THOP1: variants seen among roughly 807,000 people sequenced by gnomAD.
The protein encoded by THOP1 is thimet oligopeptidase.
Under a neutral mutation model 71.8 loss-of-function variants are expected in THOP1, and 49 were observed. The observed-to-expected ratio is 0.68, with a 90% CI of 0.54 to 0.87. The LOEUF (loss-of-function observed/expected upper bound fraction) is 0.87, where lower values mean the gene tolerates loss of function less well. THOP1 is among the 40% of genes least tolerant of loss of function. The pLI is 0.00. For synonymous variants in THOP1, 426 were observed against 421.5 expected, an observed-to-expected ratio of 1.01 and a Z score of -0.13; for missense variants, 843 against 975.6, an observed-to-expected ratio of 0.86 and a Z score of 1.81.
At chr19:2,806,867 G>A in intron 6 of THOP1, 50 bp from the exon 7 acceptor site, 10 of 1,611,146 alleles carry the variant, frequency 6.2e-6, no homozygotes, top group Non-Finnish European at 8.5e-6. Flanking sequence ...TGGCCCTGGA[G>A]GTGGAGGGAG....
intron 5 of THOP1, among the ~76,000 whole-genome samples, chr19:2,803,405 G>A (rs1916205078): frequency 6.6e-6 from 1 of 152,216 alleles, no homozygotes; most frequent in Non-Finnish European, 1.5e-5. Flanking sequence ...GGAGTTCAGG[G>A]CCACAGTGAA....
Position 2,799,593 on chromosome 19 carries a change from C to T in THOP1, c.487-96C>T. ...CTTTCGGCCTGGTTCTTGGGGAAAT[C>T]CCTCAGCCCTCGGCGAGAGGGTTCC... On this transcript the variant is annotated intron_variant, in intron 4 of 12. Coordinates refer to ENST00000307741, the MANE Select transcript of THOP1 (RefSeq NM_003249.5). The T allele has an allele frequency of 4.1e-6, 4 of 968,960 alleles. No homozygotes were observed. The South Asian group carries it at 5.8e-5, about 14-fold the overall frequency. The allele number at this position is 968,960 out of a possible 1,614,324, so 60.0% of individuals were successfully genotyped here.
intron 5 of THOP1, among the ~76,000 whole-genome samples, chr19:2,800,326 C>T (rs963225601): frequency 6.6e-6 from 1 of 152,224 alleles, no homozygotes; most frequent in African/African-American, 2.4e-5. Flanking sequence ...GCTGGGACTA[C>T]AGACGTATGC....
chr19:2,786,774 T>TTTTTTTTTTTTTTC lies in THOP1; in HGVS notation c.16+1102_16+1103insTTTTTTTCTTTTTT, dbSNP rs1436108624. On this transcript the variant is annotated intron_variant, in intron 1 of 12. Coordinates refer to ENST00000307741, the MANE Select transcript of THOP1 (RefSeq NM_003249.5). ...CCACCACACCTGGCTAATTTTTTTT[T>TTTTTTTTTTTTTTC]TTTTTTGGAGATAGAGTCTTGGTCC... 9.1e-5 allele frequency among the ~76,000 whole-genome samples: 13 copies of TTTTTTTTTTTTTTC among 143,350 alleles called. 1 individual carries two copies. The highest frequency in any genetic ancestry group is 2.0e-4 in the Non-Finnish European group (13 of 66,490). 94.0% of individuals were successfully genotyped at this position (143,350 alleles called of 152,430 possible). A position where few individuals can be genotyped will look rare whatever the true frequency, so the allele number is the denominator to read the frequency against.
At chr19:2,802,777 C>T (rs1344333317) in intron 5 of THOP1, among the ~76,000 whole-genome samples, 5 of 152,198 alleles carry the variant, frequency 3.3e-5, no homozygotes, top group Non-Finnish European at 7.3e-5. Flanking sequence ...GTCATCCTGC[C>T]GTGACTCCGA....
In THOP1 at chr19:2,805,602, C is replaced by T. The variant is rs544813340; in HGVS notation, c.750+426C>T. 2.0e-5 allele frequency among the ~76,000 whole-genome samples: 3 copies of T among 152,154 alleles called. No individual in the cohort carries two copies. The highest frequency in any genetic ancestry group is 2.9e-5 in the Non-Finnish European group (2 of 68,026). Reference sequence around the variant, plus strand: ...CTATCTCGCTGTGACTGGCGTCAGACGGCCGTTCCCACAGGGACACATGTA... The same window carrying T: ...CTATCTCGCTGTGACTGGCGTCAGATGGCCGTTCCCACAGGGACACATGTA... On this transcript the variant is annotated intron_variant, in intron 6 of 12. Transcript: ENST00000307741. This position sits in a 1 kb window ranked among gnomAD's most constrained non-coding sequence, Gnocchi z 6.6.
At position 2,786,765 on chromosome 19, in the gene THOP1, A is replaced by ATTTTTTTTTTTT. The variant is rs550767741; in HGVS notation, c.16+1091_16+1102dup. ...AGGCGCCCACCACCACACCTGGCTA[A>ATTTTTTTTTTTT]TTTTTTTTTTTTTTTGGAGATAGAG... On this transcript the variant is annotated intron_variant, in intron 1 of 12. Transcript: ENST00000307741. 9.5e-4 allele frequency among the ~76,000 whole-genome samples: 96 copies of ATTTTTTTTTTTT among 101,172 alleles called. 9 individuals carry two copies. Among genetic ancestry groups the ATTTTTTTTTTTT allele is most frequent in the African/African-American group, 4.2e-3 (80 of 19,146 alleles). 66.4% of individuals were successfully genotyped at this position (101,172 alleles called of 152,430 possible).
At position 2,805,317 on chromosome 19, in the gene THOP1, AG is replaced by A; in HGVS notation, c.750+143del. 2 of 1,059,708 alleles carry A rather than the reference AG, an allele frequency of 1.9e-6. No homozygotes were observed. The highest frequency in any genetic ancestry group is 1.7e-5 in the South Asian group (1 of 59,618). 65.6% of individuals were successfully genotyped at this position (1,059,708 alleles called of 1,614,324 possible). A position where few individuals can be genotyped will look rare whatever the true frequency, so the allele number is the denominator to read the frequency against. On this transcript the variant is annotated intron_variant, in intron 6 of 12. Transcript: ENST00000307741. This position sits in a 1 kb window ranked among gnomAD's most constrained non-coding sequence, Gnocchi z 6.6. ...CCTGGCCAGGCCCAGTGGCCAGCAG[AG>A]GCCTCCCTGTGGGGCTCTGCCGTGC...
intron 6 of THOP1, 123 bp from the exon 7 acceptor site, chr19:2,806,794 G>C (rs1916302276): frequency 1.3e-6 from 2 of 1,531,636 alleles, no homozygotes; most frequent in South Asian, 1.2e-5. Flanking sequence ...CAGGCCGAGA[G>C]GGGCAGGGAC....
chr19:2,808,296 G>A lies in THOP1; in HGVS notation c.1307G>A (p.Arg436Gln), dbSNP rs763457375. 2.0e-5 allele frequency: 31 copies of A among 1,571,212 alleles called. No individual in the cohort carries two copies. The highest frequency in any genetic ancestry group is 4.7e-5 in the East Asian group (2 of 42,396). The part of the protein sequence containing the change: ...ACFGLQPGCL[R>Q]QDGSRQIAIA... ...TTTGGCCTGCAGCCCGGCTGCCTGCGGCAGGATGGGAGCCGCCAGATCGCC... is the reference window on the plus strand; with the variant it reads ...TTTGGCCTGCAGCCCGGCTGCCTGCAGCAGGATGGGAGCCGCCAGATCGCC... The change falls in exon 9 of 13, where the codon CGG becomes CAG. Residue 436 changes from arginine to glutamine, a missense_variant. By Grantham distance (43) the Arg-to-Gln change is conservative. Coordinates refer to ENST00000307741, the MANE Select transcript of THOP1 (RefSeq NM_003249.5).
chr19:2,806,831 G>A (rs1393169450), intron 6 of THOP1, 86 bp from the exon 7 acceptor site: 2 of 1,598,832 alleles, frequency 1.3e-6, no homozygotes, highest in Non-Finnish European at 1.7e-6. Flanking sequence ...CTGGATATGA[G>A]CCTTTGGCCC....
chr19:2,792,212 C>G (rs1915901302), intron 2 of THOP1, among the ~76,000 whole-genome samples: 1 of 152,218 alleles, frequency 6.6e-6, no homozygotes, highest in Non-Finnish European at 1.5e-5. Context: ...TGGCCCAGAG[C>G]CCCCACTACA....
intron 12 of THOP1, chr19:2,812,006 G>A: frequency 9.7e-7 from 1 of 1,026,320 alleles, no homozygotes; most frequent in Non-Finnish European, 1.4e-6. Context: ...GCTGCCCACA[G>A]CTCCTCCCTG....
At chr19:2,791,753 T>C (rs1199514493) in intron 2 of THOP1, among the ~76,000 whole-genome samples, 1 of 152,140 alleles carries the variant, frequency 6.6e-6, no homozygotes, top group Non-Finnish European at 1.5e-5. Flanking sequence ...CTTCCCCTCC[T>C]GCGGCCTTTC....
chr19:2,804,692 G>C lies in THOP1; in HGVS notation c.590-324G>C, dbSNP rs572552316. 1 of 237,310 alleles carries C rather than the reference G, an allele frequency of 4.2e-6. No individual in the cohort carries two copies. Among genetic ancestry groups the C allele is most frequent in the Non-Finnish European group, 8.1e-6 (1 of 123,316 alleles). The allele number at this position is 237,310 out of a possible 1,614,324, so 14.7% of individuals were successfully genotyped here. On this transcript the variant is annotated intron_variant, in intron 5 of 12. Transcript: ENST00000307741. The surrounding 1 kb of genome is among the most constrained non-coding windows in gnomAD (Gnocchi z 4.7). The stretch of plus-strand genomic sequence containing the variant: ...CGCCCTGGAAGCCCACGATGTCCGG[G>C]GGTTGGGCTGGATTTAGCTTTAACC...
chr19:2,810,057 G>A, intron 9 of THOP1: 1 of 563,502 alleles, frequency 1.8e-6, no homozygotes. Context: ...GGAGAAGCGT[G>A]GGTGGCCTCC....
In THOP1 at chr19:2,813,784, CT is replaced by C. The variant is rs1321641325; in HGVS notation, c.*509del. 1 of 153,330 alleles carries C rather than the reference CT, an allele frequency of 6.5e-6. No homozygotes were observed. The highest frequency in any genetic ancestry group is 1.5e-5 in the Non-Finnish European group (1 of 68,942). 9.5% of individuals were successfully genotyped at this position (153,330 alleles called of 1,614,324 possible). The stretch of plus-strand genomic sequence containing the variant: ...AACCAGTTCTGCCAGCCAGGCCGGC[CT>C]GGGGGGTCTGAGAGACTTCGGCTTC... On this transcript the variant is annotated 3_prime_UTR_variant, in exon 13 of 13. Transcript: ENST00000307741.
chr19:2,804,590 A>C lies in THOP1; in HGVS notation c.590-426A>C. The C allele has an allele frequency of 6.2e-6, 1 of 160,850 alleles. No individual in the cohort carries two copies. The highest frequency in any genetic ancestry group is 1.4e-5 in the Non-Finnish European group (1 of 73,990). The allele number at this position is 160,850 out of a possible 1,614,324, so 10.0% of individuals were successfully genotyped here. On this transcript the variant is annotated intron_variant, in intron 5 of 12. Coordinates refer to ENST00000307741, the MANE Select transcript of THOP1 (RefSeq NM_003249.5). This position sits in a 1 kb window ranked among gnomAD's most constrained non-coding sequence, Gnocchi z 4.7. ...GTCTTTGATGGGAGGCACTGCCTCT[A>C]ACGCTGGTTTCCTTGTGCAGTGGCC...
At chr19:2,795,749 C>G (rs1322361151) in intron 3 of THOP1, among the ~76,000 whole-genome samples, 1 of 152,136 alleles carries the variant, frequency 6.6e-6, no homozygotes, top group Admixed American at 6.6e-5. Flanking sequence ...CCAACTTTGC[C>G]CAGGTCCCCA....
Sources: gnomAD v4.1 joint callset for allele counts (sites outside exome capture counted in the v4.1 genomes callset) on GRCh38, gnomAD v4.1.1 for gene constraint, Gnocchi (gnomAD v3.1) non-coding constraint, MANE v1.5 for transcripts, NCBI Gene and HGNC (gene_info 2026-07-23, HGNC 2026-07-21) for gene names.